Variants in CELF2 observed in about 807,000 individuals in gnomAD.
CELF2 encodes the protein CUG triplet repeat RNA-binding protein 2.
A neutral mutation model predicts 62.6 loss-of-function variants in CELF2; 8 were observed. The ratio of observed to expected loss-of-function variants is 0.13; its 90% CI spans 0.07 to 0.23. CELF2 has a LOEUF of 0.23. Ranked by LOEUF, CELF2 falls within the 10% of genes least tolerant of loss-of-function variation. The pLI, the probability that CELF2 is intolerant of heterozygous loss-of-function variation, is 1.00. For synonymous variants in CELF2, 258 were observed against 250.0 expected (o/e 1.03, Z -0.30); for missense variants, 333 against 671.0 (o/e 0.50, Z 5.56).
At chr10:10,476,237 C>A in the CELF2 span, among the ~76,000 whole-genome samples, 1 of 152,080 alleles carries the variant, frequency 6.6e-6, no homozygotes, top group Non-Finnish European at 1.5e-5. Context: ...TCTGATTTAA[C>A]TTTAGTCATA....
At chr10:10,981,535 CA>C (rs1295511202) in intron 2 of CELF2, among the ~76,000 whole-genome samples, 4 of 152,158 alleles carry the variant, frequency 2.6e-5, no homozygotes, top group Non-Finnish European at 4.4e-5. Context: ...TGAGAAACAA[CA>C]AAAATATGTA....
At chr10:10,780,600 C>G in the CELF2 span, among the ~76,000 whole-genome samples, 1 of 152,148 alleles carries the variant, frequency 6.6e-6, no homozygotes, top group Non-Finnish European at 1.5e-5. Flanking sequence ...CCTGCCTCAG[C>G]CTCCCAAGTA....
rs1384605622 is a variant in CELF2, at chr10:11,331,978, T to A, written c.*2925T>A. 6.6e-6 allele frequency: 1 copy of A among 152,268 alleles called. No individual in the cohort carries two copies. The allele number at this position is 152,268 out of a possible 1,614,324, so 9.4% of individuals were successfully genotyped here. A position where few individuals can be genotyped will look rare whatever the true frequency, so the allele number is the denominator to read the frequency against. On this transcript the variant is annotated 3_prime_UTR_variant, in exon 13 of 13. Coordinates refer to ENST00000633077, the MANE Select transcript of CELF2 (RefSeq NM_001326342.2). ...TCTAAGTTGTTTCGGTTTGACTACTTTGTTCTTTGGTTAAGATCCAAAAGA... is the reference window on the plus strand; with the variant it reads ...TCTAAGTTGTTTCGGTTTGACTACTATGTTCTTTGGTTAAGATCCAAAAGA...
chr10:11,010,587 T>C lies in CELF2; in HGVS notation c.53+5147T>C, dbSNP rs1300184993. Among the ~76,000 whole-genome samples the C allele has an allele frequency of 1.3e-5, 2 of 152,144 alleles. No homozygotes were observed. Among genetic ancestry groups the C allele is most frequent in the East Asian group, 3.9e-4 (2 of 5,194 alleles). On this transcript the variant is annotated intron_variant, in intron 1 of 12. Transcript: ENST00000416382. The surrounding 1 kb of genome is among the most constrained non-coding windows in gnomAD (Gnocchi z 4.1). Reference sequence around the variant, plus strand: ...GTAGTTGTTATTCCCATTTTAAAGATGAAAAACTGAGCCCGAGAGAGGTAA... The same window carrying C: ...GTAGTTGTTATTCCCATTTTAAAGACGAAAAACTGAGCCCGAGAGAGGTAA...
chr10:10,611,648 T>G, the CELF2 span, among the ~76,000 whole-genome samples: 1 of 152,188 alleles, frequency 6.6e-6, no homozygotes, highest in South Asian at 2.1e-4. Flanking sequence ...CTTGTCTAAC[T>G]TGATTTCCTG....
the CELF2 span, among the ~76,000 whole-genome samples, chr10:10,650,412 CCATAATTTTT>C: frequency 6.6e-6 from 1 of 152,170 alleles, no homozygotes; most frequent in Non-Finnish European, 1.5e-5. Flanking sequence ...AAAATATTTT[CCATAATTTTT>C]CATAAAATTA....
Position 11,305,089 on chromosome 10 carries a change from A to G in CELF2, c.977-9050A>G, listed in dbSNP as rs920977956. ...CTCCTCCAGCCCTGGCCCAGTGGAT[A>G]CAGGTCCTTCCCAGTTCTACCAGTC... On this transcript the variant is annotated intron_variant, in intron 9 of 12. Transcript: ENST00000633077. The surrounding 1 kb of genome is among the most constrained non-coding windows in gnomAD (Gnocchi z 4.8). Among the ~76,000 whole-genome samples the G allele has an allele frequency of 5.3e-5, 8 of 152,166 alleles. No individual in the cohort carries two copies. The highest frequency in any genetic ancestry group is 3.3e-4 in the Admixed American group (5 of 15,286).
chr10:10,597,945 T>C, the CELF2 span, among the ~76,000 whole-genome samples: 1 of 152,198 alleles, frequency 6.6e-6, no homozygotes, highest in African/African-American at 2.4e-5. Flanking sequence ...TTCAATAAGA[T>C]GTAGGCATGA....
intron 1 of CELF2, among the ~76,000 whole-genome samples, chr10:10,915,037 CA>C (rs1205903446): frequency 6.6e-6 from 1 of 151,084 alleles, no homozygotes; most frequent in African/African-American, 2.4e-5. Context: ...GAGACTGAGG[CA>C]GAAGAAACAC....
chr10:10,926,876 A>T (rs138703091), intron 2 of CELF2, among the ~76,000 whole-genome samples: 2 of 152,308 alleles, frequency 1.3e-5, no homozygotes, highest in African/African-American at 4.8e-5. Flanking sequence ...GTGGCCATTT[A>T]GCTGTGATCT....
the CELF2 span, among the ~76,000 whole-genome samples, chr10:10,768,706 G>A: frequency 0.014 from 2,192 of 151,490 alleles, 30 homozygotes; most frequent in Middle Eastern, 0.024. Flanking sequence ...CCCAAGTACC[G>A]GGGTGTACAG....
intron 1 of CELF2, among the ~76,000 whole-genome samples, chr10:11,144,245 G>GA (rs199988112): frequency 0.012 from 1,776 of 151,730 alleles, 29 homozygotes; most frequent in African/African-American, 0.041. Context: ...GAGTAAGAAG[G>GA]AAAAAAAACC....
intron 2 of CELF2, among the ~76,000 whole-genome samples, chr10:11,183,752 C>T (rs773594537): frequency 2.0e-5 from 3 of 152,190 alleles, no homozygotes; most frequent in Non-Finnish European, 4.4e-5. Context: ...CAATTCAGAT[C>T]TTTTGCTCAT....
chr10:10,697,525 C>G, the CELF2 span, among the ~76,000 whole-genome samples: 2 of 152,272 alleles, frequency 1.3e-5, no homozygotes, highest in South Asian at 4.1e-4. Flanking sequence ...GTCTCCTAAG[C>G]AATCAAGAAA....
chr10:10,988,612 A>G (rs761805467), intron 2 of CELF2, among the ~76,000 whole-genome samples: 5 of 152,124 alleles, frequency 3.3e-5, no homozygotes. Context: ...AATCATCACT[A>G]AATAACTTAT....
chr10:11,245,074 TA>T (rs1192614845), intron 3 of CELF2, among the ~76,000 whole-genome samples: 4 of 152,310 alleles, frequency 2.6e-5, no homozygotes, highest in African/African-American at 7.2e-5. Context: ...TAGTGTCTGG[TA>T]AAAACAGAAA....
chr10:10,815,849 A>C (rs1224808198), intron 1 of CELF2, among the ~76,000 whole-genome samples: 1 of 151,618 alleles, frequency 6.6e-6, no homozygotes, highest in Admixed American at 6.6e-5. Flanking sequence ...CAAACACCAT[A>C]GAGAAAGTGA....
the CELF2 span, among the ~76,000 whole-genome samples, chr10:10,470,961 A>G: frequency 6.6e-6 from 1 of 151,626 alleles, no homozygotes; most frequent in East Asian, 1.9e-4. Flanking sequence ...CTTTAGCTTT[A>G]TCTCTAAATT....
chr10:10,690,191 C>T, the CELF2 span, among the ~76,000 whole-genome samples: 4 of 152,274 alleles, frequency 2.6e-5, no homozygotes, highest in Admixed American at 1.3e-4. Flanking sequence ...TTTTCTACCT[C>T]ACCTTAGAAA....
Sources: gnomAD v4.1 joint callset for allele counts (sites outside exome capture counted in the v4.1 genomes callset) on GRCh38, gnomAD v4.1.1 for gene constraint, Gnocchi (gnomAD v3.1) non-coding constraint, MANE v1.5 for transcripts, NCBI Gene and HGNC (gene_info 2026-07-23, HGNC 2026-07-21) for gene names.